Variants in GRID2 observed in about 807,000 individuals in gnomAD.
The protein encoded by GRID2 is glutamate receptor ionotropic, delta-2.
Under a neutral mutation model 114.8 loss-of-function variants are expected in GRID2, and 33 were observed. The observed-to-expected ratio is 0.29, with a 90% CI of 0.22 to 0.38. GRID2 has a LOEUF of 0.38. GRID2 is among the 10% of genes least tolerant of loss of function. The pLI, the probability that GRID2 is intolerant of heterozygous loss-of-function variation, is 1.00. For missense variants in GRID2, 1,184 were observed against 1,257.7 expected (o/e 0.94, Z 0.89); for synonymous variants, 505 against 449.9 (o/e 1.12, Z -1.55).
At chr4:93,668,922 A>T (rs1354238027) in intron 14 of GRID2, among the ~76,000 whole-genome samples, 1 of 152,064 alleles carries the variant, frequency 6.6e-6, no homozygotes, top group Non-Finnish European at 1.5e-5. Context: ...CCCAGTTATG[A>T]GCTTTGGATA....
chr4:93,409,916 T>G (rs1483131988), intron 9 of GRID2, among the ~76,000 whole-genome samples: 1 of 152,188 alleles, frequency 6.6e-6, no homozygotes, highest in African/African-American at 2.4e-5. Context: ...GAAAACAGAT[T>G]TATTACTTGT....
At chr4:92,806,146 C>G (rs1167220365) in intron 2 of GRID2, among the ~76,000 whole-genome samples, 1 of 143,862 alleles carries the variant, frequency 7.0e-6, no homozygotes, top group Non-Finnish European at 1.5e-5. Flanking sequence ...TATGTCAAAT[C>G]TATTAGAAAA....
chr4:93,063,242 C>T (rs908928415), intron 2 of GRID2, among the ~76,000 whole-genome samples: 1 of 151,820 alleles, frequency 6.6e-6, no homozygotes, highest in Non-Finnish European at 1.5e-5. Context: ...GAGATTGACA[C>T]TAAGAGGTGT....
At chr4:93,046,340 T>C (rs1398181120) in intron 2 of GRID2, among the ~76,000 whole-genome samples, 1 of 152,036 alleles carries the variant, frequency 6.6e-6, no homozygotes, top group Non-Finnish European at 1.5e-5. Context: ...ATGCCAGGAT[T>C]CCCCCACTGA....
chr4:93,361,696 G>A (rs922758410), intron 8 of GRID2, among the ~76,000 whole-genome samples: 18 of 151,936 alleles, frequency 1.2e-4, no homozygotes, highest in Non-Finnish European at 1.5e-5. Context: ...CTAATAGTGG[G>A]TGTTATTTTC....
At chr4:92,395,910 A>G (rs930051806) in intron 1 of GRID2, among the ~76,000 whole-genome samples, 1 of 151,860 alleles carries the variant, frequency 6.6e-6, no homozygotes, top group African/African-American at 2.4e-5. Context: ...TACTTATAGA[A>G]AACTACATTT....
Position 93,076,396 on chromosome 4 carries a change from C to T in GRID2, c.245-8599C>T, listed in dbSNP as rs372519838. Among the ~76,000 whole-genome samples the T allele has an allele frequency of 2.6e-5, 4 of 151,966 alleles. No individual in the cohort carries two copies. The East Asian group carries it at 7.7e-4, about 29-fold the overall frequency. ...TTCACTTGCAGAAGTTGTATGATGACATTGGAAGTTTTATGTTTTTAAATT... is the reference window on the plus strand; with the variant it reads ...TTCACTTGCAGAAGTTGTATGATGATATTGGAAGTTTTATGTTTTTAAATT... On this transcript the variant is annotated intron_variant, in intron 2 of 15. Transcript: ENST00000282020.
chr4:92,704,729 C>CTCTCTCTCTCTCTT (rs1560542530), intron 2 of GRID2, among the ~76,000 whole-genome samples: 8 of 134,664 alleles, frequency 5.9e-5, no homozygotes, highest in African/African-American at 2.0e-4. Flanking sequence ...CTCTTTCTCT[C>CTCTCTCTCTCTCTT]TCTCTCTCTC....
intron 2 of GRID2, among the ~76,000 whole-genome samples, chr4:93,033,101 A>G (rs1490484737): frequency 1.3e-5 from 2 of 152,232 alleles, no homozygotes; most frequent in Non-Finnish European, 2.9e-5. Flanking sequence ...AATATCACAC[A>G]CAACGATAGA....
intron 13 of GRID2, among the ~76,000 whole-genome samples, chr4:93,567,308 A>G (rs1292662391): frequency 1.3e-5 from 2 of 152,164 alleles, no homozygotes; most frequent in Non-Finnish European, 2.9e-5. Flanking sequence ...TTCTACTGTC[A>G]TGTTAACTAC....
At chr4:92,644,157 A>G (rs1205484483) in intron 2 of GRID2, among the ~76,000 whole-genome samples, 2 of 151,746 alleles carry the variant, frequency 1.3e-5, no homozygotes, top group African/African-American at 4.8e-5. Flanking sequence ...GATACTTTCT[A>G]ACATCTTTTT....
At chr4:92,646,597 T>C (rs1037037292) in intron 2 of GRID2, among the ~76,000 whole-genome samples, 64 of 152,332 alleles carry the variant, frequency 4.2e-4, no homozygotes, top group African/African-American at 1.4e-3. Context: ...TCCGGAATTA[T>C]TTTTTGTCTA....
rs558552366 is a variant in GRID2 at position 92,781,202 on chromosome 4, C to T, written c.244+190916C>T. Among the ~76,000 whole-genome samples the T allele has an allele frequency of 1.1e-4, 17 of 152,082 alleles. No individual in the cohort carries two copies. The East Asian group carries it at 3.3e-3, about 30-fold the overall frequency. ...CAGAGGTTTCAGTGAGCTGAGATCA[C>T]ACCACTGCACTCCAGCCTGGGTGAC... On this transcript the variant is annotated intron_variant, in intron 2 of 15. Transcript: ENST00000282020.
chr4:93,179,223 A>C (rs1460631839), intron 4 of GRID2, among the ~76,000 whole-genome samples: 1 of 152,194 alleles, frequency 6.6e-6, no homozygotes, highest in African/African-American at 2.4e-5. Context: ...TTGATATCTA[A>C]TTCACAGACA....
intron 7 of GRID2, among the ~76,000 whole-genome samples, chr4:93,236,185 G>A (rs1579378848): frequency 6.6e-6 from 1 of 152,102 alleles, no homozygotes; most frequent in African/African-American, 2.4e-5. Flanking sequence ...AAGATGCACT[G>A]CACTTACTTC....
chr4:92,856,902 G>A (rs114497057), intron 2 of GRID2, among the ~76,000 whole-genome samples: 2,065 of 152,160 alleles, frequency 0.014, 49 homozygotes, highest in African/African-American at 0.047. Context: ...CTGTCAGTAC[G>A]TTTTAACAAT....
chr4:92,672,908 C>A (rs1055931918), intron 2 of GRID2, among the ~76,000 whole-genome samples: 1 of 152,056 alleles, frequency 6.6e-6, no homozygotes, highest in Non-Finnish European at 1.5e-5. Context: ...CTATCAAGCA[C>A]CAGTTCTCAG....
chr4:92,726,354 A>G (rs988871785), intron 2 of GRID2, among the ~76,000 whole-genome samples: 2 of 152,136 alleles, frequency 1.3e-5, no homozygotes, highest in African/African-American at 4.8e-5. Flanking sequence ...CGCAGCTGCA[A>G]CGTCACTCAG....
intron 4 of GRID2, among the ~76,000 whole-genome samples, chr4:93,154,288 G>A (rs1229877513): frequency 6.6e-6 from 1 of 151,952 alleles, no homozygotes; most frequent in Non-Finnish European, 1.5e-5. Context: ...AAACCCTCCA[G>A]TATTTCTCCC....
Sources: gnomAD v4.1 joint callset for allele counts (sites outside exome capture counted in the v4.1 genomes callset) on GRCh38, gnomAD v4.1.1 for gene constraint, MANE v1.5 for transcripts, NCBI Gene and HGNC (gene_info 2026-07-23, HGNC 2026-07-21) for gene names.